The following RBM27 variants were observed in gnomAD, a reference collection of about 807,000 sequenced individuals.
The protein encoded by RBM27 is RNA-binding protein 27.
In RBM27, 22 loss-of-function variants were observed where a neutral mutation model predicts 135.3. The ratio of observed to expected loss-of-function variants is 0.16; its 90% CI spans 0.12 to 0.23. RBM27 has a LOEUF of 0.23. Ranked by LOEUF, RBM27 falls within the 10% of genes least tolerant of loss-of-function variation. The pLI is 1.00. For missense variants in RBM27, 1,009 were observed against 1,281.0 expected, an observed-to-expected ratio of 0.79 and a Z score of 3.24; for synonymous variants, 481 against 442.4, an observed-to-expected ratio of 1.09 and a Z score of -1.10.
At chr5:146,238,400 C>T (rs1368823423) in intron 8 of RBM27, among the ~76,000 whole-genome samples, 2 of 152,000 alleles carry the variant, frequency 1.3e-5, no homozygotes, top group African/African-American at 4.8e-5. Flanking sequence ...CCCAGCAACT[C>T]GGGAGGCTGA....
chr5:146,276,973 G>T (rs569862841), intron 19 of RBM27, among the ~76,000 whole-genome samples: 1 of 152,340 alleles, frequency 6.6e-6, no homozygotes, highest in South Asian at 2.1e-4. Flanking sequence ...TGTCACAAGT[G>T]ATCAGGAGTT....
intron 1 of RBM27, among the ~76,000 whole-genome samples, chr5:146,208,035 C>A (rs1298916281): frequency 6.9e-6 from 1 of 144,400 alleles, no homozygotes; most frequent in Non-Finnish European, 1.5e-5. Flanking sequence ...TGGCTCACTG[C>A]AACTTCTGCC....
intron 3 of RBM27, among the ~76,000 whole-genome samples, chr5:146,227,131 G>T (rs1025558623): frequency 2.6e-5 from 4 of 152,202 alleles, no homozygotes; most frequent in African/African-American, 9.6e-5. Flanking sequence ...TTGATCACCA[G>T]GGTAAGAGAA....
chr5:146,258,588 G>C lies in RBM27; in HGVS notation c.1734G>C (p.Leu578=). 6.4e-7 allele frequency: 1 copy of C among 1,565,186 alleles called. No individual in the cohort carries two copies. Among genetic ancestry groups the C allele is most frequent in the Non-Finnish European group, 8.6e-7 (1 of 1,159,568 alleles). The change falls in exon 11 of 21, where the codon CTG becomes CTC. Residue 578 remains leucine (L), a synonymous_variant. Transcript: ENST00000265271. ...LEGPLTKKPW[L]GKQGNNNQNK... ...GGCCACTCACAAAGAAACCTTGGCT[G>C]GGAAAGTAAGATAATTTGCTAATTA...
At chr5:146,205,887 G>C (rs1321412063) in intron 1 of RBM27, among the ~76,000 whole-genome samples, 1 of 151,950 alleles carries the variant, frequency 6.6e-6, no homozygotes, top group Non-Finnish European at 1.5e-5. Flanking sequence ...GCTGTGGTGG[G>C]GCGTGCTTGT....
chr5:146,251,500 T>G (rs536903969), intron 8 of RBM27, among the ~76,000 whole-genome samples: 29 of 152,340 alleles, frequency 1.9e-4, no homozygotes, highest in Admixed American at 6.5e-4. Flanking sequence ...TACTTAATTC[T>G]TATTCTTTTC....
Position 146,258,360 on chromosome 5 carries a change from A to G in RBM27, c.1595-89A>G, listed in dbSNP as rs1386796419. 7 of 1,035,570 alleles carry G rather than the reference A, an allele frequency of 6.8e-6. No individual in the cohort carries two copies. The East Asian group carries it at 1.1e-4, about 17-fold the overall frequency. The allele number at this position is 1,035,570 out of a possible 1,614,324, so 64.1% of individuals were successfully genotyped here. ...AAAGAGAAATGATAGTAGTTGAGCTATTCATAGTAGTTTTTAGCTTTTAGA... is the reference window on the plus strand; with the variant it reads ...AAAGAGAAATGATAGTAGTTGAGCTGTTCATAGTAGTTTTTAGCTTTTAGA... On this transcript the variant is annotated intron_variant, in intron 10 of 20. Transcript: ENST00000265271.
In RBM27 at chr5:146,283,727, C is replaced by T. The variant is rs558615531; in HGVS notation, c.2989-895C>T. 2.0e-5 allele frequency among the ~76,000 whole-genome samples: 3 copies of T among 152,226 alleles called. No individual in the cohort carries two copies. In the South Asian group the frequency reaches 6.2e-4, roughly 32 times the overall value. ...AGGCAGTAATGGATTTATGAGTCTG[C>T]TCTAATGTACATTCTCACCATGCTA... On this transcript the variant is annotated intron_variant, in intron 19 of 20. Coordinates refer to ENST00000265271, the MANE Select transcript of RBM27 (RefSeq NM_018989.2).
intron 3 of RBM27, among the ~76,000 whole-genome samples, chr5:146,223,952 C>T (rs1298203005): frequency 1.3e-5 from 2 of 152,142 alleles, no homozygotes; most frequent in Non-Finnish European, 2.9e-5. Flanking sequence ...GTGAACATCA[C>T]TGTCAACATT....
chr5:146,241,720 A>G (rs2126789836), intron 8 of RBM27, among the ~76,000 whole-genome samples: 1 of 152,250 alleles, frequency 6.6e-6, no homozygotes, highest in East Asian at 1.9e-4. Context: ...CGGCTTCCCA[A>G]AGTGCTGGGA....
chr5:146,267,653 T>C lies in RBM27; in HGVS notation c.2336T>C (p.Phe779Ser). The change falls in exon 15 of 21, where the codon TTT becomes TCT. Residue 779 changes from phenylalanine (F) to serine (S), a missense_variant. This residue lies in a region of RBM27 where 355 missense variants were observed against 427.3 expected (regional missense o/e 0.83). Coordinates refer to ENST00000265271, the MANE Select transcript of RBM27 (RefSeq NM_018989.2). ...TTTTTTTTCTTTATTTTTTAGATAT[T>C]TTCAACTCCAGGCCATCCAAAAATG... ...SGGAGEDCQI[F>S]STPGHPKMIY... is the part of the protein sequence containing the mutation. 1 of 1,547,144 alleles carries C rather than the reference T, an allele frequency of 6.5e-7. No individual in the cohort carries two copies. Among genetic ancestry groups the C allele is most frequent in the Admixed American group, 2.0e-5 (1 of 49,886 alleles).
At chr5:146,215,688 A>G (rs970371825) in intron 1 of RBM27, among the ~76,000 whole-genome samples, 2 of 152,098 alleles carry the variant, frequency 1.3e-5, no homozygotes, top group Non-Finnish European at 2.9e-5. Flanking sequence ...CAGGGGTGAA[A>G]TTAAGTTGGC....
chr5:146,237,231 C>T (rs1377947806), intron 7 of RBM27, 67 bp from the exon 8 acceptor site: 3 of 1,588,638 alleles, frequency 1.9e-6, no homozygotes, highest in Non-Finnish European at 2.6e-6. Flanking sequence ...AGCCACTGCT[C>T]CTGGCCTGAT....
At position 146,230,789 on chromosome 5, in the gene RBM27, C is replaced by T; in HGVS notation, c.722C>T (p.Thr241Ile). The change falls in exon 6 of 21, where the codon ACT becomes ATT. Residue 241 changes from threonine to isoleucine, a missense_variant. By Grantham distance (89) the Thr-to-Ile change is moderately conservative. Coordinates refer to ENST00000265271, the MANE Select transcript of RBM27 (RefSeq NM_018989.2). ...SGAQSIPSTV[T>I]VIAPAHHSEN... ...GCACAGTCTATTCCCAGCACTGTTACTGTGATCGCACCTGCTCACCACTCT... is the reference window on the plus strand; with the variant it reads ...GCACAGTCTATTCCCAGCACTGTTATTGTGATCGCACCTGCTCACCACTCT... 3.1e-6 allele frequency: 5 copies of T among 1,614,146 alleles called. No homozygotes were observed. Among genetic ancestry groups the T allele is most frequent in the Non-Finnish European group, 4.2e-6 (5 of 1,180,006 alleles).
At chr5:146,225,280 T>C (rs1756622649) in intron 3 of RBM27, among the ~76,000 whole-genome samples, 1 of 152,106 alleles carries the variant, frequency 6.6e-6, no homozygotes, top group Non-Finnish European at 1.5e-5. Flanking sequence ...TTCTTTTTTA[T>C]AGCATGTTCT....
At chr5:146,225,211 C>G (rs893732822) in intron 3 of RBM27, among the ~76,000 whole-genome samples, 1 of 152,124 alleles carries the variant, frequency 6.6e-6, no homozygotes, top group African/African-American at 2.4e-5. Context: ...ATCCTCCTGA[C>G]TTGGCCTCCC....
chr5:146,264,522 A>G (rs913394083), intron 14 of RBM27, among the ~76,000 whole-genome samples: 6 of 152,288 alleles, frequency 3.9e-5, no homozygotes, highest in East Asian at 1.9e-4. Flanking sequence ...CTTTAATTTC[A>G]TCTTTAAGAA....
At chr5:146,278,812 C>T (rs1581243671) in intron 19 of RBM27, among the ~76,000 whole-genome samples, 1 of 151,646 alleles carries the variant, frequency 6.6e-6, no homozygotes, top group South Asian at 2.1e-4. Context: ...TGCTCCGCCT[C>T]GCAGGTTCAT....
In RBM27 at chr5:146,289,213, A is replaced by C. The variant is rs1287318005; in HGVS notation, c.*3183A>C. 2.0e-5 allele frequency: 3 copies of C among 152,122 alleles called. No homozygotes were observed. The highest frequency in any genetic ancestry group is 2.9e-5 in the Non-Finnish European group (2 of 67,978). 9.4% of individuals were successfully genotyped at this position (152,122 alleles called of 1,614,324 possible). On this transcript the variant is annotated 3_prime_UTR_variant, in exon 21 of 21. Coordinates refer to ENST00000265271, the MANE Select transcript of RBM27 (RefSeq NM_018989.2). ...TATGAACCATTCCAAAAATTATAAC[A>C]ATCACCAAAAGAGCTGTAATTCTGG... is the stretch of plus-strand genomic sequence containing the variant.
Sources: gnomAD v4.1 joint callset for allele counts (sites outside exome capture counted in the v4.1 genomes callset) on GRCh38, gnomAD v4.1.1 for gene constraint, gnomAD v4.1.1 regional missense constraint, MANE v1.5 for transcripts, NCBI Gene and HGNC (gene_info 2026-07-23, HGNC 2026-07-21) for gene names.